The following UNC13C variants were observed in gnomAD, a reference collection of about 807,000 sequenced individuals.
The protein encoded by UNC13C is protein unc-13 homolog C.
In UNC13C, 174 loss-of-function variants were observed where a neutral mutation model predicts 245.4. That is an observed-to-expected ratio of 0.71 (90% CI 0.63 to 0.80). The LOEUF (loss-of-function observed/expected upper bound fraction) is 0.80, where lower values mean the gene tolerates loss of function less well. Among genes scored for constraint, UNC13C ranks in the 30% least tolerant of loss-of-function variants. UNC13C has a pLI of 0.00. For synonymous variants in UNC13C, 992 were observed against 895.1 expected, an observed-to-expected ratio of 1.11 and a Z score of -1.93; for missense variants, 2,829 against 2,602.9, an observed-to-expected ratio of 1.09 and a Z score of -1.89.
rs533042557 is a variant in UNC13C, at chr15:54,056,938, C to T, written c.2983+41052C>T. Among the ~76,000 whole-genome samples, 199 of 152,242 alleles carry T rather than the reference C, an allele frequency of 1.3e-3. 2 individuals are homozygous for T. The highest frequency in any genetic ancestry group is 4.5e-3 in the African/African-American group (188 of 41,550). On this transcript the variant is annotated intron_variant, in intron 2 of 32. Transcript: ENST00000260323. ...GAGATTTCGTCACCACCAGGCCTGC[C>T]CTACAAGAGCTCCTGAAGGAAGCAC...
intron 30 of UNC13C, among the ~76,000 whole-genome samples, chr15:54,592,906 G>C (rs554596712): frequency 6.8e-6 from 1 of 146,218 alleles, no homozygotes; most frequent in East Asian, 2.0e-4. Flanking sequence ...TATAGGTCTT[G>C]TGTAATTTAT....
In UNC13C at chr15:54,333,775, T is replaced by G; in HGVS notation, c.4503T>G (p.Phe1501Leu). 1 of 1,601,690 alleles carries G rather than the reference T, an allele frequency of 6.2e-7. No homozygotes were observed. Among genetic ancestry groups the G allele is most frequent in the Non-Finnish European group, 8.5e-7 (1 of 1,173,228 alleles). ...GTTTCCTAATTAACCAGGAAAACTT[T>G]CCTGCAAGCAATACTGAAAGACTGC... The part of the protein sequence containing the change: ...RIDLSKYREN[F>L]PASNTERLQD... The change falls in exon 16 of 33, where the codon TTT becomes TTG. Residue 1501 changes from phenylalanine (F) to leucine (L), a missense_variant. Phe to Leu is a conservative substitution (Grantham distance 22). Transcript: ENST00000260323.
intron 16 of UNC13C, among the ~76,000 whole-genome samples, chr15:54,337,061 G>A (rs1424101067): frequency 6.6e-6 from 1 of 152,098 alleles, no homozygotes; most frequent in East Asian, 1.9e-4. Flanking sequence ...TGACCACACT[G>A]TAATCAGACT....
At chr15:54,246,864 T>C (rs2036006518) in intron 7 of UNC13C, among the ~76,000 whole-genome samples, 2 of 152,150 alleles carry the variant, frequency 1.3e-5, no homozygotes, top group South Asian at 4.1e-4. Flanking sequence ...ACATGTTTAC[T>C]TATGTAACCT....
intron 4 of UNC13C, 83 bp from the exon 5 acceptor site, chr15:54,234,947 A>G (rs2140827074): frequency 2.4e-6 from 3 of 1,236,948 alleles, no homozygotes; most frequent in Non-Finnish European, 3.5e-6. Flanking sequence ...TTTTTCACAG[A>G]CTTTATACCA....
In UNC13C at chr15:54,494,632, A is replaced by G; in HGVS notation, c.4958A>G (p.Lys1653Arg). 1 of 1,609,766 alleles carries G rather than the reference A, an allele frequency of 6.2e-7. No individual in the cohort carries two copies. Among genetic ancestry groups the G allele is most frequent in the South Asian group, 1.1e-5 (1 of 89,976 alleles). Residue 1653 changes from lysine to arginine, a missense_variant, in exon 20 of 33, where the codon AAG becomes AGG. Transcript: ENST00000260323. Reference protein sequence around the residue: ...LEEHENQRLCKSTDYMNLHFK... With the variant: ...LEEHENQRLCRSTDYMNLHFK... ...GAACATGAAAATCAGCGGTTATGCA[A>G]GAGCACCGATTATATGAATTTGCAT...
rs1897819095 is a variant in UNC13C at position 54,061,224 on chromosome 15, AC to A, written c.2983+45339del. Among the ~76,000 whole-genome samples, 4 of 152,284 alleles carry A rather than the reference AC, an allele frequency of 2.6e-5. No individual in the cohort carries two copies. The South Asian group carries it at 8.3e-4, about 32-fold the overall frequency. ...TATGTAACAACTAGAAAGGATTGGT[AC>A]TAGAAAGGACTAGAGTACTAGAAAG... On this transcript the variant is annotated intron_variant, in intron 2 of 32. Transcript: ENST00000260323.
intron 17 of UNC13C, among the ~76,000 whole-genome samples, chr15:54,374,928 A>G (rs1035657112): frequency 1.3e-5 from 2 of 152,360 alleles, no homozygotes; most frequent in East Asian, 1.9e-4. Flanking sequence ...CTGATCATTT[A>G]TTTGTACTGC....
At position 54,052,186 on chromosome 15, in the gene UNC13C, A is replaced by G. The variant is rs574217465; in HGVS notation, c.2983+36300A>G. 2.6e-3 allele frequency among the ~76,000 whole-genome samples: 258 copies of G among 101,126 alleles called. 2 individuals are homozygous for G. The highest frequency in any genetic ancestry group is 9.3e-3 in the African/African-American group (251 of 26,864). 66.3% of individuals were successfully genotyped at this position (101,126 alleles called of 152,430 possible). On this transcript the variant is annotated intron_variant, in intron 2 of 32. Coordinates refer to ENST00000260323, the MANE Select transcript of UNC13C (RefSeq NM_001080534.3). ...TTGTTGGACATTTGGGTTGGTTCCA[A>G]GTCTTTGCTATTGTGAATAATGCCG...
rs560030027 is a variant in UNC13C, at chr15:54,397,090, T to A, written c.4847+3909T>A. Among the ~76,000 whole-genome samples the A allele has an allele frequency of 3.9e-3, 588 of 151,604 alleles. 4 individuals carry two copies. The highest frequency in any genetic ancestry group is 4.6e-3 in the Non-Finnish European group (310 of 67,540). ...TTTATAGTTTAAGCTTTTAAAAAAA[T>A]TCTATTTTAGAAATCTTTGCAATCT... On this transcript the variant is annotated intron_variant, in intron 18 of 32. Transcript: ENST00000260323.
At chr15:54,478,681 T>G (rs565634480) in intron 19 of UNC13C, among the ~76,000 whole-genome samples, 1 of 151,686 alleles carries the variant, frequency 6.6e-6, no homozygotes, top group African/African-American at 2.4e-5. Flanking sequence ...AGAGACAGTT[T>G]GTTATAATTT....
chr15:54,074,770 T>G (rs1192317259), intron 2 of UNC13C, among the ~76,000 whole-genome samples: 1 of 152,150 alleles, frequency 6.6e-6, no homozygotes, highest in Non-Finnish European at 1.5e-5. Flanking sequence ...TTATGGAGAT[T>G]TGGGGGTGAG....
At chr15:53,904,975 G>T in the UNC13C span, among the ~76,000 whole-genome samples, 1 of 152,046 alleles carries the variant, frequency 6.6e-6, no homozygotes, top group Non-Finnish European at 1.5e-5. Flanking sequence ...TCTCTCTAAG[G>T]AAAATAGACA....
chr15:54,297,951 A>G (rs1197022356), intron 12 of UNC13C, 25 bp downstream of exon 12: 1 of 1,336,764 alleles, frequency 7.5e-7, no homozygotes, highest in Non-Finnish European at 1.0e-6. Flanking sequence ...TTTTACTAAT[A>G]CAAAATATAA....
intron 30 of UNC13C, among the ~76,000 whole-genome samples, chr15:54,579,907 T>C (rs1157947013): frequency 6.6e-6 from 1 of 152,238 alleles, no homozygotes; most frequent in Non-Finnish European, 1.5e-5. Flanking sequence ...AGCAGGTATT[T>C]TGAAAATTGT....
intron 25 of UNC13C, among the ~76,000 whole-genome samples, chr15:54,526,081 T>C (rs1895443684): frequency 6.6e-6 from 1 of 152,224 alleles, no homozygotes; most frequent in Non-Finnish European, 1.5e-5. Context: ...TCAGTATAGC[T>C]GGATCAACAA....
chr15:53,936,350 G>T, the UNC13C span, among the ~76,000 whole-genome samples: 1 of 152,160 alleles, frequency 6.6e-6, no homozygotes, highest in African/African-American at 2.4e-5. Context: ...ACCAGCCAGG[G>T]TTATACAAAC....
At chr15:54,610,461 G>C (rs1900026800) in intron 30 of UNC13C, among the ~76,000 whole-genome samples, 1 of 152,010 alleles carries the variant, frequency 6.6e-6, no homozygotes, top group Non-Finnish European at 1.5e-5. Flanking sequence ...GTCTCAAACT[G>C]ATGACCTCAA....
At chr15:54,004,027 AAAAC>A (rs540622110) in intron 1 of UNC13C, among the ~76,000 whole-genome samples, 48 of 152,210 alleles carry the variant, frequency 3.2e-4, no homozygotes, top group Middle Eastern at 6.8e-3. Flanking sequence ...ACAAACAAAC[AAAAC>A]AAACAAACAA....
Sources: gnomAD v4.1 joint callset for allele counts (sites outside exome capture counted in the v4.1 genomes callset) on GRCh38, gnomAD v4.1.1 for gene constraint, MANE v1.5 for transcripts, NCBI Gene and HGNC (gene_info 2026-07-23, HGNC 2026-07-21) for gene names.